Variants in SLF1 observed in about 807,000 individuals in gnomAD.
The protein encoded by SLF1 is SMC5-SMC6 complex localization factor protein 1.
Under a neutral mutation model 123.0 loss-of-function variants are expected in SLF1, and 105 were observed. That is an observed-to-expected ratio of 0.85 (90% CI 0.73 to 1.00). The LOEUF (loss-of-function observed/expected upper bound fraction) is 1.00. Ranked by LOEUF, SLF1 falls within the 50% of genes least tolerant of loss-of-function variation. The probability of loss-of-function intolerance (pLI) is 0.00; values close to 1 mark genes in which losing one functional copy is unlikely to be tolerated. For missense variants in SLF1, 1,239 were observed against 1,223.0 expected (o/e 1.01, Z -0.20); for synonymous variants, 434 against 406.6 (o/e 1.07, Z -0.81).
At position 94,670,692 on chromosome 5, in the gene SLF1, A is replaced by G. The variant is rs1199934561; in HGVS notation, c.1662-151A>G. 13 of 608,266 alleles carry G rather than the reference A, an allele frequency of 2.1e-5. No homozygotes were observed. In the South Asian group the frequency reaches 2.6e-4, roughly 12 times the overall value. 37.7% of individuals were successfully genotyped at this position (608,266 alleles called of 1,614,324 possible). A position where few individuals can be genotyped will look rare whatever the true frequency, so the allele number is the denominator to read the frequency against. ...CTTTATTGAACTGGGGCCATTTTTT[A>G]TATTTTGTCCTTTATTATAATTGTT... On this transcript the variant is annotated intron_variant, in intron 13 of 20. Transcript: ENST00000265140.
chr5:94,653,537 A>G (rs1747996478), intron 8 of SLF1, 116 bp downstream of exon 8: 1 of 878,290 alleles, frequency 1.1e-6, no homozygotes, highest in Non-Finnish European at 1.6e-6. Flanking sequence ...AATCTGGTGT[A>G]ATATTCATAG....
At chr5:94,673,485 A>C (rs1165712684) in intron 14 of SLF1, among the ~76,000 whole-genome samples, 1 of 152,012 alleles carries the variant, frequency 6.6e-6, no homozygotes, top group Non-Finnish European at 1.5e-5. Flanking sequence ...GACCAGTCTG[A>C]GCAACATAGT....
chr5:94,639,135 A>G (rs1746166717), intron 4 of SLF1, among the ~76,000 whole-genome samples: 1 of 145,340 alleles, frequency 6.9e-6, no homozygotes, highest in Non-Finnish European at 1.5e-5. Flanking sequence ...CTGCCTCCCA[A>G]GTTCAAATGA....
At position 94,690,359 on chromosome 5, in the gene SLF1, A is replaced by C. The variant is rs183974239; in HGVS notation, c.2419+753A>C. Among the ~76,000 whole-genome samples, 14 of 152,336 alleles carry C rather than the reference A, an allele frequency of 9.2e-5. No individual in the cohort carries two copies. The East Asian group carries it at 2.3e-3, about 25-fold the overall frequency. On this transcript the variant is annotated intron_variant, in intron 18 of 20. Transcript: ENST00000265140. Reference sequence around the variant, plus strand: ...TGAAGCACTTATATTTCAATGTGATATAAGTTCATAATTGCATATTACAGA... The same window carrying C: ...TGAAGCACTTATATTTCAATGTGATCTAAGTTCATAATTGCATATTACAGA...
At chr5:94,673,293 GC>G (rs1285530464) in intron 14 of SLF1, among the ~76,000 whole-genome samples, 3 of 152,034 alleles carry the variant, frequency 2.0e-5, no homozygotes, top group African/African-American at 4.8e-5. Flanking sequence ...TTTTGGCCTA[GC>G]ACTTCCTCAT....
chr5:94,663,931 A>G, intron 11 of SLF1, 23 bp downstream of exon 11: 5 of 1,453,062 alleles, frequency 3.4e-6, no homozygotes, highest in Non-Finnish European at 4.5e-6. Context: ...TTAAGGATTT[A>G]TAATCTTTTT....
chr5:94,672,624 A>G (rs866219254), intron 14 of SLF1, among the ~76,000 whole-genome samples: 1 of 151,934 alleles, frequency 6.6e-6, no homozygotes, highest in Non-Finnish European at 1.5e-5. Flanking sequence ...AAACATGACC[A>G]TTGCATTTAA....
At chr5:94,671,468 C>T (rs1296869079) in intron 14 of SLF1, among the ~76,000 whole-genome samples, 1 of 151,576 alleles carries the variant, frequency 6.6e-6, no homozygotes, top group Non-Finnish European at 1.5e-5. Flanking sequence ...AGAAATTTAA[C>T]ATATAGTGAT....
intron 15 of SLF1, 121 bp from the exon 16 acceptor site, chr5:94,686,452 A>C: frequency 5.7e-6 from 6 of 1,050,360 alleles, no homozygotes; most frequent in Non-Finnish European, 8.2e-6. Flanking sequence ...AATCATGTGG[A>C]TGAATCTTAT....
At chr5:94,647,513 G>T (rs1028377468) in intron 5 of SLF1, among the ~76,000 whole-genome samples, 1 of 152,070 alleles carries the variant, frequency 6.6e-6, no homozygotes, top group Non-Finnish European at 1.5e-5. Context: ...CCTACTCCTA[G>T]ATAATAGAAT....
At chr5:94,646,564 C>T (rs1747087623) in intron 5 of SLF1, among the ~76,000 whole-genome samples, 1 of 152,086 alleles carries the variant, frequency 6.6e-6, no homozygotes, top group South Asian at 2.1e-4. Flanking sequence ...AAATGACTAA[C>T]GTATCTCAAT....
In SLF1 at chr5:94,695,964, A is replaced by T. The variant is rs1384366868; in HGVS notation, c.*652A>T. On this transcript the variant is annotated 3_prime_UTR_variant, in exon 21 of 21. Coordinates refer to ENST00000265140, the MANE Select transcript of SLF1 (RefSeq NM_032290.4). The stretch of plus-strand genomic sequence containing the variant: ...TTTATTTTAGCAATTCATATACAAA[A>T]TGTATCTGTCGCTGCCCTATGTAAC... 1 of 151,870 alleles carries T rather than the reference A, an allele frequency of 6.6e-6. No homozygotes were observed. The highest frequency in any genetic ancestry group is 1.5e-5 in the Non-Finnish European group (1 of 67,848). The allele number at this position is 151,870 out of a possible 1,614,324, so 9.4% of individuals were successfully genotyped here.
chr5:94,644,115 A>T (rs1273034799), intron 5 of SLF1, among the ~76,000 whole-genome samples: 3 of 152,090 alleles, frequency 2.0e-5, no homozygotes, highest in Non-Finnish European at 4.4e-5. Flanking sequence ...ATGTTTCTTA[A>T]ATCAAACCAC....
chr5:94,671,044 G>C (rs1258315895), intron 14 of SLF1, 36 bp downstream of exon 14: 2 of 1,347,970 alleles, frequency 1.5e-6, no homozygotes, highest in African/African-American at 2.9e-5. Flanking sequence ...ATAGTCTATG[G>C]AAACAGCACT....
intron 4 of SLF1, among the ~76,000 whole-genome samples, chr5:94,635,337 C>CTTTTTTTTGT (rs1745640968): frequency 2.3e-5 from 1 of 43,882 alleles, no homozygotes; most frequent in Non-Finnish European, 4.2e-5. Flanking sequence ...ACATACTCGG[C>CTTTTTTTTGT]TTTTTTTTTT....
chr5:94,650,558 G>T (rs1279193766), intron 6 of SLF1, among the ~76,000 whole-genome samples: 3 of 152,018 alleles, frequency 2.0e-5, no homozygotes, highest in South Asian at 2.1e-4. Context: ...TAGAGACGGG[G>T]TTTCACCATG....
chr5:94,694,095 T>C (rs1561482812), intron 20 of SLF1, among the ~76,000 whole-genome samples: 2 of 152,054 alleles, frequency 1.3e-5, no homozygotes, highest in East Asian at 3.9e-4. Context: ...TAAATAATTA[T>C]AAGACTTGAC....
At chr5:94,639,379 A>G (rs182587083) in intron 4 of SLF1, among the ~76,000 whole-genome samples, 17 of 151,552 alleles carry the variant, frequency 1.1e-4, no homozygotes, top group Admixed American at 7.9e-4. Context: ...TTTTTCCTTG[A>G]CTTCTTTTCC....
chr5:94,691,924 T>A (rs1753090469), intron 19 of SLF1, 150 bp from the exon 20 acceptor site: 5 of 694,992 alleles, frequency 7.2e-6, no homozygotes, highest in Non-Finnish European at 1.1e-5. Flanking sequence ...GGTAGAAATA[T>A]GATTACACCC....
Sources: gnomAD v4.1 joint callset for allele counts (sites outside exome capture counted in the v4.1 genomes callset) on GRCh38, gnomAD v4.1.1 for gene constraint, MANE v1.5 for transcripts, NCBI Gene and HGNC (gene_info 2026-07-23, HGNC 2026-07-21) for gene names.